CRB1: variants seen among roughly 807,000 people sequenced by gnomAD.
The protein encoded by CRB1 is protein crumbs homolog 1.
A neutral mutation model predicts 120.0 loss-of-function variants in CRB1; 83 were observed. That is an observed-to-expected ratio of 0.69 (90% CI 0.58 to 0.83). The LOEUF is 0.83. Among genes scored for constraint, CRB1 ranks in the 40% least tolerant of loss-of-function variants. The pLI is 0.00. For missense variants in CRB1, 1,699 were observed against 1,687.6 expected, an observed-to-expected ratio of 1.01 and a Z score of -0.12; for synonymous variants, 625 against 612.5, an observed-to-expected ratio of 1.02 and a Z score of -0.30.
At chr1:197,302,669 A>G (rs1179148466) in intron 1 of CRB1, among the ~76,000 whole-genome samples, 1 of 152,216 alleles carries the variant, frequency 6.6e-6, no homozygotes, top group Non-Finnish European at 1.5e-5. Flanking sequence ...TAGAAAATTC[A>G]GAATAAAGTT....
At chr1:197,365,388 TG>T (rs1661005306) in intron 5 of CRB1, among the ~76,000 whole-genome samples, 1 of 152,084 alleles carries the variant, frequency 6.6e-6, no homozygotes, top group African/African-American at 2.4e-5. Flanking sequence ...TATCTCTTGA[TG>T]GAAGTGGGGA....
At chr1:197,297,284 T>A (rs573403342) in intron 1 of CRB1, among the ~76,000 whole-genome samples, 57 of 152,116 alleles carry the variant, frequency 3.7e-4, no homozygotes, top group African/African-American at 1.3e-3. Context: ...AATTGTTCCT[T>A]TCTAGACTTG....
intron 11 of CRB1, among the ~76,000 whole-genome samples, chr1:197,461,562 A>T (rs866265919): frequency 6.6e-6 from 1 of 152,166 alleles, no homozygotes; most frequent in Admixed American, 6.6e-5. Flanking sequence ...GTTAGCTCTC[A>T]TGGCACTGCA....
At chr1:197,414,704 C>A (rs1663881081) in intron 5 of CRB1, among the ~76,000 whole-genome samples, 2 of 152,126 alleles carry the variant, frequency 1.3e-5, no homozygotes. Flanking sequence ...GACTGAATGG[C>A]CCCAATGGTC....
chr1:197,420,004 C>CAAAAA (rs1014820864), intron 5 of CRB1, among the ~76,000 whole-genome samples: 1 of 146,430 alleles, frequency 6.8e-6, no homozygotes, highest in Admixed American at 6.9e-5. Flanking sequence ...AAAAAACAAA[C>CAAAAA]AAAAAAAACT....
chr1:197,253,828 G>A, the CRB1 span, among the ~76,000 whole-genome samples: 1 of 151,912 alleles, frequency 6.6e-6, no homozygotes, highest in African/African-American at 2.4e-5. Flanking sequence ...AAGGTTTTAA[G>A]GAAATAACAG....
chr1:197,205,703 A>G, the CRB1 span, among the ~76,000 whole-genome samples: 1 of 152,008 alleles, frequency 6.6e-6, no homozygotes, highest in East Asian at 1.9e-4. Flanking sequence ...ATTGATCTGT[A>G]GTGTTCTTTT....
At chr1:197,458,691 C>G (rs369562684) in intron 11 of CRB1, among the ~76,000 whole-genome samples, 1 of 152,042 alleles carries the variant, frequency 6.6e-6, no homozygotes, top group Non-Finnish European at 1.5e-5. Flanking sequence ...TCCATCCACA[C>G]GTTTGTTTCT....
At chr1:197,253,269 T>C in the CRB1 span, among the ~76,000 whole-genome samples, 1 of 152,212 alleles carries the variant, frequency 6.6e-6, no homozygotes, top group South Asian at 2.1e-4. Context: ...TTGAATTTCT[T>C]TATCACACTT....
intron 1 of CRB1, among the ~76,000 whole-genome samples, chr1:197,288,626 T>A (rs1655975247): frequency 6.6e-6 from 1 of 151,804 alleles, no homozygotes; most frequent in South Asian, 2.1e-4. Context: ...TTAAGTAGAA[T>A]TATGAGATAT....
intron 1 of CRB1, among the ~76,000 whole-genome samples, chr1:197,311,555 T>A (rs1657520766): frequency 1.3e-5 from 2 of 152,196 alleles, no homozygotes; most frequent in African/African-American, 2.4e-5. Context: ...ACTACTTTAT[T>A]TTTTTCCGGA....
At chr1:197,293,168 G>A (rs1041165277) in intron 1 of CRB1, among the ~76,000 whole-genome samples, 11 of 152,098 alleles carry the variant, frequency 7.2e-5, no homozygotes, top group East Asian at 1.9e-4. Flanking sequence ...AAACCCCATC[G>A]TCTCAGTGCA....
At chr1:197,255,489 T>C in the CRB1 span, among the ~76,000 whole-genome samples, 4 of 152,176 alleles carry the variant, frequency 2.6e-5, no homozygotes, top group Admixed American at 2.6e-4. Flanking sequence ...AATCTAGCCA[T>C]GGAAAATATT....
Position 197,340,142 on chromosome 1 carries a change from G to A in CRB1, c.653-4139G>A, listed in dbSNP as rs1476173346. On this transcript the variant is annotated intron_variant, in intron 2 of 11. Transcript: ENST00000367400. ...AGACATTTATATTAAGGGGAATTTT[G>A]AGAGCACAGTGAAGCAGCATTAGAG... Among the ~76,000 whole-genome samples the A allele has an allele frequency of 2.6e-5, 4 of 152,184 alleles. No homozygotes were observed. In the East Asian group the frequency reaches 7.7e-4, roughly 29 times the overall value.
At chr1:197,310,347 C>A (rs1174929876) in intron 1 of CRB1, among the ~76,000 whole-genome samples, 2 of 152,144 alleles carry the variant, frequency 1.3e-5, no homozygotes, top group Non-Finnish European at 2.9e-5. Flanking sequence ...TTTGTCTTCG[C>A]CCTCACCAAA....
rs1654712316 is a variant in CRB1 at position 197,268,357 on chromosome 1, C to G, written c.-56C>G. 1.5e-6 allele frequency: 2 copies of G among 1,306,718 alleles called. No individual in the cohort carries two copies. The highest frequency in any genetic ancestry group is 2.2e-6 in the Non-Finnish European group (2 of 900,212). 80.9% of individuals were successfully genotyped at this position (1,306,718 alleles called of 1,614,324 possible). A position where few individuals can be genotyped will look rare whatever the true frequency, so the allele number is the denominator to read the frequency against. ...CTCTGAGACAGACAGGGATCAGGAG[C>G]CGGACTGGGACCAGACCACCAGCAA... On this transcript the variant is annotated 5_prime_UTR_variant, in exon 1 of 12. Transcript: ENST00000367400.
chr1:197,298,224 G>A (rs1656653293), intron 1 of CRB1, among the ~76,000 whole-genome samples: 1 of 152,130 alleles, frequency 6.6e-6, no homozygotes, highest in South Asian at 2.1e-4. Context: ...ACCCTACAGG[G>A]AAGTAAAAGA....
intron 5 of CRB1, among the ~76,000 whole-genome samples, chr1:197,405,543 T>C (rs184981919): frequency 6.3e-4 from 94 of 150,090 alleles, no homozygotes; most frequent in African/African-American, 2.2e-3. Flanking sequence ...GCCCATCGTC[T>C]GGGACGTGAG....
intron 11 of CRB1, among the ~76,000 whole-genome samples, chr1:197,465,391 AT>A (rs541600764): frequency 1.0e-4 from 15 of 149,744 alleles, no homozygotes; most frequent in East Asian, 5.9e-4. Context: ...GTTTGTTTTT[AT>A]TTTTTTTTTA....
Sources: gnomAD v4.1 joint callset for allele counts (sites outside exome capture counted in the v4.1 genomes callset) on GRCh38, gnomAD v4.1.1 for gene constraint, MANE v1.5 for transcripts, NCBI Gene and HGNC (gene_info 2026-07-23, HGNC 2026-07-21) for gene names.